PHLPP1: variants seen among roughly 807,000 people sequenced by gnomAD.
The protein encoded by PHLPP1 is PH domain leucine-rich repeat-containing protein phosphatase 1.
In PHLPP1, 42 loss-of-function variants were observed where a neutral mutation model predicts 117.2. The observed-to-expected ratio is 0.36, with a 90% CI of 0.28 to 0.46. The LOEUF (loss-of-function observed/expected upper bound fraction) is 0.46, where lower values mean the gene tolerates loss of function less well. Ranked by LOEUF, PHLPP1 falls within the 20% of genes least tolerant of loss-of-function variation. The pLI is 1.00. For synonymous variants in PHLPP1, 1,042 were observed against 970.7 expected (o/e 1.07, Z -1.37); for missense variants, 2,084 against 2,241.9 (o/e 0.93, Z 1.42).
chr18:62,966,872 A>G (rs1236577364), intron 14 of PHLPP1, among the ~76,000 whole-genome samples: 2 of 152,116 alleles, frequency 1.3e-5, no homozygotes, highest in Non-Finnish European at 2.9e-5. Context: ...CATTTTTGTC[A>G]GTTCTTCTCC....
At chr18:62,769,448 C>T (rs1022440057) in intron 1 of PHLPP1, among the ~76,000 whole-genome samples, 6 of 152,118 alleles carry the variant, frequency 3.9e-5, no homozygotes, top group African/African-American at 7.2e-5. Context: ...GGAGGATAAA[C>T]AACTTTAAAC....
At chr18:62,827,980 A>G (rs1463800644) in intron 1 of PHLPP1, among the ~76,000 whole-genome samples, 1 of 151,276 alleles carries the variant, frequency 6.6e-6, no homozygotes, top group Non-Finnish European at 1.5e-5. Context: ...TCTCTGATGG[A>G]CTGAATAAAA....
At chr18:62,957,493 C>CA (rs1223826351) in intron 12 of PHLPP1, among the ~76,000 whole-genome samples, 1 of 152,124 alleles carries the variant, frequency 6.6e-6, no homozygotes, top group East Asian at 1.9e-4. Flanking sequence ...CTTACCTGCT[C>CA]ATCTTGCTTT....
intron 1 of PHLPP1, among the ~76,000 whole-genome samples, chr18:62,824,825 A>G (rs1275918165): frequency 2.0e-5 from 3 of 152,190 alleles, no homozygotes; most frequent in East Asian, 1.9e-4. Flanking sequence ...CAACCCCAAC[A>G]AAGGCACACA....
intron 4 of PHLPP1, among the ~76,000 whole-genome samples, chr18:62,888,339 T>G (rs1293081395): frequency 8.4e-5 from 12 of 143,450 alleles, no homozygotes; most frequent in Non-Finnish European, 1.2e-4. Flanking sequence ...GTGTGTATGT[T>G]TTTTTTTTCT....
intron 1 of PHLPP1, among the ~76,000 whole-genome samples, chr18:62,822,893 C>T (rs1914508490): frequency 6.6e-6 from 1 of 152,166 alleles, no homozygotes; most frequent in Admixed American, 6.6e-5. Flanking sequence ...GGTACCAAGG[C>T]AATTCAGTAG....
intron 4 of PHLPP1, among the ~76,000 whole-genome samples, chr18:62,869,894 T>C (rs749622033): frequency 4.6e-5 from 7 of 152,208 alleles, no homozygotes; most frequent in Admixed American, 2.6e-4. Flanking sequence ...AGTTTCTCTT[T>C]CTTTTTATTT....
At chr18:62,938,526 A>G (rs1910037969) in intron 10 of PHLPP1, among the ~76,000 whole-genome samples, 2 of 152,208 alleles carry the variant, frequency 1.3e-5, no homozygotes, top group Admixed American at 1.3e-4. Flanking sequence ...ATACTATGAT[A>G]ATAAAAAATA....
Position 62,715,650 on chromosome 18 carries a change from C to T in PHLPP1, c.-34C>T, listed in dbSNP as rs578087800. ...CGCCTCCCTCTCCGCCCGCTGCCTC[C>T]GGAGCTGGGGGGGAAACGCGAAGCC... On this transcript the variant is annotated 5_prime_UTR_variant, in exon 1 of 17. Transcript: ENST00000262719. The T allele has an allele frequency of 5.6e-6, 7 of 1,258,882 alleles. No homozygotes were observed. The highest frequency in any genetic ancestry group is 6.2e-5 in the South Asian group (2 of 32,458). The allele number at this position is 1,258,882 out of a possible 1,614,324, so 78.0% of individuals were successfully genotyped here. A position where few individuals can be genotyped will look rare whatever the true frequency, so the allele number is the denominator to read the frequency against.
At chr18:62,850,547 C>T (rs1310353664) in intron 3 of PHLPP1, among the ~76,000 whole-genome samples, 4 of 152,118 alleles carry the variant, frequency 2.6e-5, no homozygotes, top group Admixed American at 6.6e-5. Context: ...GCTGCCATGA[C>T]GTTCAGAAAC....
chr18:62,775,563 A>G (rs1262155296), intron 1 of PHLPP1, among the ~76,000 whole-genome samples: 3 of 152,224 alleles, frequency 2.0e-5, no homozygotes, highest in Non-Finnish European at 4.4e-5. Context: ...TGGCATTACC[A>G]CAATGTCCCA....
At chr18:62,937,628 G>A (rs148575883) in intron 10 of PHLPP1, among the ~76,000 whole-genome samples, 5 of 152,298 alleles carry the variant, frequency 3.3e-5, no homozygotes, top group Admixed American at 1.3e-4. Context: ...TTGAGCCATT[G>A]CCAAATAATG....
chr18:62,977,872 C>A (rs1911237327), intron 16 of PHLPP1, among the ~76,000 whole-genome samples: 1 of 152,186 alleles, frequency 6.6e-6, no homozygotes, highest in East Asian at 1.9e-4. Flanking sequence ...CCTTGATCAC[C>A]ATGTTCACCA....
rs552931801 is a variant in PHLPP1, at chr18:62,905,999, C to G, written c.2708+715C>G. Among the ~76,000 whole-genome samples the G allele has an allele frequency of 5.1e-4, 77 of 152,312 alleles. 2 individuals carry two copies. The South Asian group carries it at 0.016, about 31-fold the overall frequency. Reference sequence around the variant, plus strand: ...TTAACAATGAATTTTAAAATTGCAACTCATTTGGAAGGTAACTCCAAAGGA... The same window carrying G: ...TTAACAATGAATTTTAAAATTGCAAGTCATTTGGAAGGTAACTCCAAAGGA... On this transcript the variant is annotated intron_variant, in intron 8 of 16. Coordinates refer to ENST00000262719, the MANE Select transcript of PHLPP1 (RefSeq NM_194449.4).
chr18:62,871,748 G>A (rs559021598), intron 4 of PHLPP1, among the ~76,000 whole-genome samples: 2 of 149,844 alleles, frequency 1.3e-5, no homozygotes, highest in African/African-American at 2.5e-5. Context: ...AGACTTAGGC[G>A]ATTCTCCTGC....
intron 6 of PHLPP1, among the ~76,000 whole-genome samples, chr18:62,901,643 A>G (rs1357521422): frequency 8.9e-6 from 1 of 112,284 alleles, no homozygotes; most frequent in African/African-American, 3.5e-5. Context: ...TTTTTTTTTG[A>G]GATGGAGTCT....
At chr18:62,857,469 A>G (rs1343792991) in intron 3 of PHLPP1, among the ~76,000 whole-genome samples, 1 of 152,152 alleles carries the variant, frequency 6.6e-6, no homozygotes, top group Non-Finnish European at 1.5e-5. Context: ...CTTGGGTCCC[A>G]TGCTAGCACC....
At chr18:62,901,948 C>A (rs768092581) in intron 6 of PHLPP1, among the ~76,000 whole-genome samples, 3 of 152,118 alleles carry the variant, frequency 2.0e-5, no homozygotes, top group Non-Finnish European at 4.4e-5. Flanking sequence ...CTTTTCTAAA[C>A]AAGTGCATCA....
intron 14 of PHLPP1, among the ~76,000 whole-genome samples, chr18:62,965,666 C>T (rs527602466): frequency 6.6e-6 from 1 of 151,392 alleles, no homozygotes; most frequent in African/African-American, 2.4e-5. Flanking sequence ...ACCATGTTGG[C>T]TAGGCCAGTC....
Sources: gnomAD v4.1 joint callset for allele counts (sites outside exome capture counted in the v4.1 genomes callset) on GRCh38, gnomAD v4.1.1 for gene constraint, MANE v1.5 for transcripts, NCBI Gene and HGNC (gene_info 2026-07-23, HGNC 2026-07-21) for gene names.